LONRF3: variants seen among roughly 807,000 people sequenced by gnomAD.
The protein encoded by LONRF3 is LON peptidase N-terminal domain and RING finger protein 3.
In LONRF3, 19 loss-of-function variants were observed where a neutral mutation model predicts 51.7. The observed-to-expected ratio is 0.37, with a 90% CI of 0.26 to 0.54. LONRF3 has a LOEUF of 0.54. Ranked by LOEUF, LONRF3 falls within the 20% of genes least tolerant of loss-of-function variation. The probability of loss-of-function intolerance (pLI) is 0.86; values close to 1 mark genes in which losing one functional copy is unlikely to be tolerated. For synonymous variants in LONRF3, 265 were observed against 257.8 expected (o/e 1.03, Z -0.27); for missense variants, 521 against 623.9 (o/e 0.84, Z 1.76).
intron 6 of LONRF3, 44 bp downstream of exon 6, chrX:119,006,279 T>C (rs1302018495): frequency 1.1e-5 from 11 of 978,162 alleles, no homozygotes; most frequent in African/African-American, 5.7e-5. Context: ...TCAGTATTTC[T>C]TTCTTGTTTT....
chrX:118,975,368 G>A lies in LONRF3; in HGVS notation c.588G>A (p.Gly196=). The A allele has an allele frequency of 6.6e-6, 8 of 1,208,810 alleles. No individual in the cohort carries two copies. The highest frequency in any genetic ancestry group is 8.9e-6 in the Non-Finnish European group (8 of 894,407). ...RAADRRCALC[G]VKLSALMVAT... ...CCGACCGGCGCTGTGCGCTGTGCGG[G>A]GTCAAGCTCTCCGCCTTGATGGTGG... Residue 196 remains glycine, a synonymous_variant, in exon 1 of 11, where the codon GGG becomes GGA. Transcript: ENST00000371628.
chrX:119,010,985 G>T (rs1348656019), intron 7 of LONRF3, among the ~76,000 whole-genome samples: 1 of 109,903 alleles, frequency 9.1e-6, no homozygotes, highest in African/African-American at 3.3e-5. Context: ...ATGGTGGCAT[G>T]CACCTGTAAT....
At position 118,989,472 on chromosome X, in the gene LONRF3, G is replaced by A; in HGVS notation, c.1124G>A (p.Ser375Asn). The change falls in exon 4 of 11, where the codon AGT becomes AAT. Residue 375 changes from serine to asparagine, a missense_variant. Around this residue, in one of 2 missense-constraint regions of LONRF3, gnomAD observed 376 missense variants for 376.7 expected, o/e 1.00. Transcript: ENST00000371628. ...GCAGCAGCCAGGGGAGATGGCAGCA[G>A]TCTGATGGACCCAGCTAAAGTGAAG... ...EEAAARGDGS[S>N]LMDPAKVKGD... The A allele has an allele frequency of 1.7e-5, 21 of 1,211,549 alleles. No homozygotes were observed. The highest frequency in any genetic ancestry group is 2.3e-5 in the Non-Finnish European group (21 of 895,367).
chrX:118,987,181 A>G (rs1187570372), intron 3 of LONRF3: 1 of 674,955 alleles, frequency 1.5e-6, no homozygotes, highest in East Asian at 3.6e-5. Context: ...GGTTCCTGAG[A>G]AAGAAGAAAT....
intron 2 of LONRF3, 92 bp from the exon 3 acceptor site, chrX:118,982,729 C>T (rs1442339498): frequency 4.6e-6 from 5 of 1,097,430 alleles, no homozygotes; most frequent in South Asian, 1.9e-5. Flanking sequence ...AAATGTTTCA[C>T]ACAACAGTGA....
At chrX:119,004,747 A>G (rs1315899020) in intron 5 of LONRF3, among the ~76,000 whole-genome samples, 1 of 112,348 alleles carries the variant, frequency 8.9e-6, no homozygotes, top group Non-Finnish European at 1.9e-5. Context: ...CGATGGTTTC[A>G]TAAGTGTGTA....
chrX:118,996,704 C>T (rs779270674), intron 5 of LONRF3, among the ~76,000 whole-genome samples: 1 of 111,301 alleles, frequency 9.0e-6, no homozygotes, highest in Admixed American at 9.5e-5. Flanking sequence ...AGGCAGATCA[C>T]GAGGTCAGGA....
At chrX:118,999,060 T>C (rs1407748426) in intron 5 of LONRF3, among the ~76,000 whole-genome samples, 2 of 112,786 alleles carry the variant, frequency 1.8e-5, no homozygotes, top group East Asian at 5.6e-4. Flanking sequence ...CTCATATCGA[T>C]CATGTGCATT....
At chrX:119,011,648 T>C (rs773708223) in intron 7 of LONRF3, among the ~76,000 whole-genome samples, 167 bp from the exon 8 acceptor site, 2 of 112,209 alleles carry the variant, frequency 1.8e-5, no homozygotes, top group South Asian at 7.5e-4. Context: ...TTTCAATATT[T>C]TTCTATTAGC....
chrX:118,975,111 C>T lies in LONRF3; in HGVS notation c.331C>T (p.Leu111=). The T allele has an allele frequency of 8.5e-7, 1 of 1,170,730 alleles. No individual in the cohort carries two copies. The highest frequency in any genetic ancestry group is 1.1e-6 in the Non-Finnish European group (1 of 875,281). Residue 111 remains leucine, a synonymous_variant, in exon 1 of 11, where the codon CTG becomes TTG. Transcript: ENST00000371628. ...GCAGCTGGAGCAGCTGGTGCGCTGCCTGGCGGAGAAAGTCCCGCAAGGCGA... is the reference window on the plus strand; with the variant it reads ...GCAGCTGGAGCAGCTGGTGCGCTGCTTGGCGGAGAAAGTCCCGCAAGGCGA... The part of the protein sequence containing the change: ...AEQLEQLVRC[L]AEKVPQGEAL...
chrX:118,997,526 C>A (rs1223253847), intron 5 of LONRF3, among the ~76,000 whole-genome samples: 1 of 112,551 alleles, frequency 8.9e-6, no homozygotes, highest in African/African-American at 3.2e-5. Flanking sequence ...TAGAAGATAA[C>A]ATTGGAAAAA....
chrX:118,985,893 G>C (rs1236309218), intron 3 of LONRF3, among the ~76,000 whole-genome samples: 2 of 111,221 alleles, frequency 1.8e-5, no homozygotes, highest in Non-Finnish European at 3.8e-5. Flanking sequence ...AAATTTTGTT[G>C]ATCAATTAAT....
chrX:118,975,988 CCTT>C lies in LONRF3; in HGVS notation c.817+394_817+396del, dbSNP rs34597845. Among the ~76,000 whole-genome samples, 932 of 112,404 alleles carry C rather than the reference CCTT, an allele frequency of 8.3e-3. 7 individuals are homozygous for C. Among genetic ancestry groups the C allele is most frequent in the African/African-American group, 0.028 (874 of 30,913 alleles). ...TCACTGTCTCTGTTCCTCTGACTCT[CCTT>C]CTCCCGCTGCACTCCTGGTCTCCTC... On this transcript the variant is annotated intron_variant, in intron 1 of 10. Coordinates refer to ENST00000371628, the MANE Select transcript of LONRF3 (RefSeq NM_001031855.3).
chrX:118,994,398 G>A (rs1035298200), intron 5 of LONRF3, among the ~76,000 whole-genome samples: 1 of 88,208 alleles, frequency 1.1e-5, no homozygotes, highest in Non-Finnish European at 2.2e-5. Flanking sequence ...TTTTATATCA[G>A]ACAAAACAAA....
intron 3 of LONRF3, among the ~76,000 whole-genome samples, chrX:118,985,774 A>C (rs1175083940): frequency 9.0e-6 from 1 of 111,687 alleles, no homozygotes; most frequent in African/African-American, 3.3e-5. Flanking sequence ...CTGAGCTTTG[A>C]AGGCTGAGTG....
chrX:118,975,722 C>G, intron 1 of LONRF3, 125 bp downstream of exon 1: 45 of 114,418 alleles, frequency 3.9e-4, no homozygotes, highest in Middle Eastern at 3.1e-3. Flanking sequence ...GACCCATGGA[C>G]TGTGGCGGGG....
chrX:118,992,488 C>T (rs1392222148), intron 5 of LONRF3, among the ~76,000 whole-genome samples: 1 of 110,613 alleles, frequency 9.0e-6, no homozygotes, highest in Non-Finnish European at 1.9e-5. Context: ...GGAATCTCAC[C>T]CCCATCCCCC....
chrX:118,995,568 A>G (rs1267986803), intron 5 of LONRF3, among the ~76,000 whole-genome samples: 1 of 112,372 alleles, frequency 8.9e-6, no homozygotes, highest in East Asian at 2.8e-4. Flanking sequence ...CTTTGAAAAG[A>G]TAAGTAAAAT....
intron 5 of LONRF3, among the ~76,000 whole-genome samples, chrX:118,995,630 A>G (rs1330984803): frequency 8.9e-6 from 1 of 112,398 alleles, no homozygotes; most frequent in Non-Finnish European, 1.9e-5. Context: ...AAATTCAAAA[A>G]ACCTCACTAA....
Sources: allele counts gnomAD v4.1 joint callset (sites outside exome capture counted in the v4.1 genomes callset), GRCh38; gene constraint gnomAD v4.1.1; regional missense constraint gnomAD v4.1.1; transcripts MANE v1.5; gene names NCBI Gene and HGNC (gene_info 2026-07-23, HGNC 2026-07-21).